Variants in TEC observed in about 807,000 individuals in gnomAD.
TEC encodes tec protein tyrosine kinase, also known as tyrosine-protein kinase Tec.
A neutral mutation model predicts 93.0 loss-of-function variants in TEC; 72 were observed. That is an observed-to-expected ratio of 0.77 (90% CI 0.64 to 0.94). The LOEUF is 0.94. Ranked by LOEUF, TEC falls within the 40% of genes least tolerant of loss-of-function variation. The pLI is 0.00. For missense variants in TEC, 630 were observed against 757.9 expected (o/e 0.83, Z 1.98); for synonymous variants, 249 against 247.7 (o/e 1.01, Z -0.05).
chr4:48,206,944 G>A (rs1182502836), intron 2 of TEC, among the ~76,000 whole-genome samples: 1 of 152,120 alleles, frequency 6.6e-6, no homozygotes, highest in African/African-American at 2.4e-5. Flanking sequence ...GGGTAACAGA[G>A]TGGAACTAAG....
intron 2 of TEC, among the ~76,000 whole-genome samples, chr4:48,210,495 A>AAGGGAGGAGG (rs1577640080): frequency 1.1e-5 from 1 of 87,018 alleles, no homozygotes; most frequent in Non-Finnish European, 2.2e-5. Context: ...TATAAAAAAA[A>AAGGGAGGAGG]TGGAGGAGGA....
intron 2 of TEC, among the ~76,000 whole-genome samples, chr4:48,225,771 G>A (rs1019595258): frequency 4.1e-5 from 6 of 148,114 alleles, no homozygotes; most frequent in African/African-American, 1.5e-4. Flanking sequence ...AAACAAATCT[G>A]TGACCACATT....
chr4:48,145,271 C>T lies in TEC; in HGVS notation c.1278G>A (p.Val426=), dbSNP rs1162033981. Residue 426 remains valine (V), a synonymous_variant, in exon 14 of 18, where the codon GTG becomes GTA. Coordinates refer to ENST00000381501, the MANE Select transcript of TEC (RefSeq NM_003215.3). ...GCTGGGTGCACACACCATAAAGCTGCACTAACTTCGGGTGTGTCAGTTTCC... is the reference window on the plus strand; with the variant it reads ...GCTGGGTGCACACACCATAAAGCTGTACTAACTTCGGGTGTGTCAGTTTCC... ...VMMKLTHPKL[V]QLYGVCTQQK... 6.2e-7 allele frequency: 1 copy of T among 1,614,064 alleles called. No individual in the cohort carries two copies. Among genetic ancestry groups the T allele is most frequent in the South Asian group, 1.1e-5 (1 of 91,058 alleles).
chr4:48,198,839 T>C (rs1722393837), intron 2 of TEC, among the ~76,000 whole-genome samples: 1 of 152,212 alleles, frequency 6.6e-6, no homozygotes. Flanking sequence ...CACAGAGCCC[T>C]TCTGTTTCTA....
At chr4:48,189,391 G>T (rs1162154162) in intron 2 of TEC, among the ~76,000 whole-genome samples, 1 of 152,086 alleles carries the variant, frequency 6.6e-6, no homozygotes, top group Non-Finnish European at 1.5e-5. Flanking sequence ...CCCCATAAAG[G>T]TTACACACAC....
chr4:48,170,526 G>A, intron 4 of TEC, 150 bp from the exon 5 acceptor site: 3 of 559,050 alleles, frequency 5.4e-6, no homozygotes, highest in Non-Finnish European at 9.0e-6. Context: ...ATTCAGAAAA[G>A]CTCTATAGTT....
chr4:48,228,666 T>A lies in TEC; in HGVS notation c.-45-7A>T. ...CACTGAAGATCCCAGTATTCTACAG[T>A]GAAAAAAGAAACAGTTAAAATGTGA... On this transcript the variant is annotated splice_polypyrimidine_tract_variant and splice_region_variant and intron_variant, in intron 1 of 17. Transcript: ENST00000381501. 6.4e-7 allele frequency: 1 copy of A among 1,561,426 alleles called. No homozygotes were observed.
At chr4:48,179,376 ATT>A (rs1159156668) in intron 2 of TEC, among the ~76,000 whole-genome samples, 289 of 21,002 alleles carry the variant, frequency 0.014, 1 homozygote, top group Non-Finnish European at 0.018. Flanking sequence ...ATATATATAT[ATT>A]TTTTTTTTTT....
chr4:48,148,317 G>A (rs920860880), intron 11 of TEC, among the ~76,000 whole-genome samples: 1 of 152,100 alleles, frequency 6.6e-6, no homozygotes, highest in Non-Finnish European at 1.5e-5. Flanking sequence ...AATAGGCTTT[G>A]CAAAGGGTGC....
chr4:48,220,333 T>C (rs1158746336), intron 2 of TEC, among the ~76,000 whole-genome samples: 1 of 151,996 alleles, frequency 6.6e-6, no homozygotes, highest in Non-Finnish European at 1.5e-5. Context: ...CCAAATCTAA[T>C]GCTGAAATAT....
chr4:48,171,538 A>ACATTTTGCCAGTC (rs1339304995), intron 3 of TEC, 89 bp from the exon 4 acceptor site: 1 of 857,918 alleles, frequency 1.2e-6, no homozygotes, highest in African/African-American at 1.7e-5. Context: ...ACAGACACCA[A>ACATTTTGCCAGTC]TAAATGATTC....
At chr4:48,140,930 C>T (rs1006691136) in intron 15 of TEC, among the ~76,000 whole-genome samples, 2 of 151,934 alleles carry the variant, frequency 1.3e-5, no homozygotes, top group African/African-American at 4.8e-5. Context: ...ATGCCTGGCA[C>T]AGAGCAGGCA....
At chr4:48,265,521 T>A (rs970925049) in intron 1 of TEC, among the ~76,000 whole-genome samples, 4,758 of 118,592 alleles carry the variant, frequency 0.04, 141 homozygotes, top group Non-Finnish European at 0.062. Flanking sequence ...ATATATTTTT[T>A]TTTTTTTTTG....
chr4:48,140,872 G>A (rs1381098672), intron 15 of TEC, among the ~76,000 whole-genome samples: 2 of 152,052 alleles, frequency 1.3e-5, no homozygotes, highest in East Asian at 1.9e-4. Flanking sequence ...AGCTGCATGC[G>A]GGCAAGGACT....
At chr4:48,250,425 C>G (rs1724169731) in intron 1 of TEC, among the ~76,000 whole-genome samples, 1 of 152,180 alleles carries the variant, frequency 6.6e-6, no homozygotes, top group Admixed American at 6.5e-5. Flanking sequence ...TCTTTTCACA[C>G]CTGTCTGAAT....
chr4:48,158,875 G>C (rs567103717), intron 8 of TEC, among the ~76,000 whole-genome samples: 1 of 152,150 alleles, frequency 6.6e-6, no homozygotes, highest in Non-Finnish European at 1.5e-5. Context: ...TATGGTGTTG[G>C]CAAGTTCCCT....
At chr4:48,190,364 T>A (rs1000691462) in intron 2 of TEC, among the ~76,000 whole-genome samples, 2 of 152,210 alleles carry the variant, frequency 1.3e-5, no homozygotes, top group Non-Finnish European at 2.9e-5. Context: ...AAAACCCTCT[T>A]ACTCTCCATG....
At chr4:48,218,785 TGA>T (rs1414988951) in intron 2 of TEC, among the ~76,000 whole-genome samples, 3 of 152,160 alleles carry the variant, frequency 2.0e-5, no homozygotes, top group Non-Finnish European at 4.4e-5. Flanking sequence ...CCTATACAAA[TGA>T]GAGATTTCCC....
At chr4:48,156,877 CAACT>C (rs2109525734) in intron 8 of TEC, 143 bp from the exon 9 acceptor site, 3 of 636,084 alleles carry the variant, frequency 4.7e-6, no homozygotes, top group South Asian at 5.6e-5. Flanking sequence ...CAATAATAGA[CAACT>C]AATAATTTTG....
Sources: gnomAD v4.1 joint callset for allele counts (sites outside exome capture counted in the v4.1 genomes callset) on GRCh38, gnomAD v4.1.1 for gene constraint, MANE v1.5 for transcripts, NCBI Gene and HGNC (gene_info 2026-07-23, HGNC 2026-07-21) for gene names.